The following NLGN1 variants were observed in gnomAD, a reference collection of about 807,000 sequenced individuals.
NLGN1 encodes the protein neuroligin 1.
In NLGN1, 12 loss-of-function variants were observed where a neutral mutation model predicts 65.5. That is an observed-to-expected ratio of 0.18 (90% CI 0.12 to 0.30). NLGN1 has a LOEUF of 0.30. Among genes scored for constraint, NLGN1 ranks in the 10% least tolerant of loss-of-function variants. The probability of loss-of-function intolerance (pLI) is 1.00; values close to 1 mark genes in which losing one functional copy is unlikely to be tolerated. For synonymous variants in NLGN1, 350 were observed against 359.5 expected (o/e 0.97, Z 0.30); for missense variants, 750 against 1,007.1 (o/e 0.74, Z 3.46).
intron 4 of NLGN1, among the ~76,000 whole-genome samples, chr3:173,845,528 C>A: frequency 6.6e-6 from 1 of 151,444 alleles, no homozygotes; most frequent in East Asian, 1.9e-4. Context: ...TTCTCTAGGA[C>A]TCAATAATTT....
At chr3:173,889,632 A>C (rs1225789360) in intron 4 of NLGN1, among the ~76,000 whole-genome samples, 1 of 152,126 alleles carries the variant, frequency 6.6e-6, no homozygotes. Context: ...GTACCTATGG[A>C]GGTTGAGACT....
chr3:173,814,175 A>G (rs1477451505), intron 4 of NLGN1, among the ~76,000 whole-genome samples: 1 of 152,240 alleles, frequency 6.6e-6, no homozygotes. Context: ...TCATAACTTC[A>G]TAAGTGCTCA....
intron 2 of NLGN1, among the ~76,000 whole-genome samples, chr3:173,473,404 C>A (rs991504985): frequency 6.6e-6 from 1 of 152,134 alleles, no homozygotes; most frequent in African/African-American, 2.4e-5. Flanking sequence ...AGAGATTAAT[C>A]CCCCACTGTG....
chr3:174,086,345 C>T (rs571725029), intron 4 of NLGN1, among the ~76,000 whole-genome samples: 1 of 794 alleles, frequency 1.3e-3, no homozygotes, highest in East Asian at 0.031. Context: ...GTGCATATGA[C>T]CGGTTTTTGG....
At chr3:174,168,030 A>G (rs996684395) in intron 4 of NLGN1, among the ~76,000 whole-genome samples, 6 of 151,874 alleles carry the variant, frequency 4.0e-5, no homozygotes, top group African/African-American at 1.5e-4. Flanking sequence ...GAAATTCCTT[A>G]AGTTTTTTAT....
At chr3:173,923,746 A>G (rs114845954) in intron 4 of NLGN1, among the ~76,000 whole-genome samples, 131 of 152,272 alleles carry the variant, frequency 8.6e-4, no homozygotes, top group African/African-American at 3.1e-3. Context: ...TAGAAAAAGA[A>G]TGGCTGAGTA....
chr3:173,432,120 T>G (rs1364790190), intron 1 of NLGN1, among the ~76,000 whole-genome samples: 1 of 152,212 alleles, frequency 6.6e-6, no homozygotes, highest in Admixed American at 6.5e-5. Flanking sequence ...AGTTTATCCA[T>G]TAGCCTACTG....
At chr3:174,262,568 TTC>T (rs1226548316) in intron 4 of NLGN1, among the ~76,000 whole-genome samples, 85 of 148,486 alleles carry the variant, frequency 5.7e-4, no homozygotes, top group Admixed American at 5.4e-4. Context: ...TATTTGATTC[TTC>T]TCTCTTTTTT....
intron 3 of NLGN1, among the ~76,000 whole-genome samples, chr3:173,675,815 A>G (rs1055120604): frequency 5.3e-5 from 8 of 151,158 alleles, no homozygotes; most frequent in Admixed American, 1.3e-4. Context: ...ATAAAAGTGC[A>G]TAGAACTGCT....
intron 4 of NLGN1, among the ~76,000 whole-genome samples, chr3:174,256,897 G>A (rs1018231191): frequency 4.6e-5 from 7 of 151,962 alleles, no homozygotes; most frequent in South Asian, 4.1e-4. Context: ...CTAAAAAAGC[G>A]AAAATTGACA....
Position 173,698,632 on chromosome 3 carries a change from C to G in NLGN1, c.493+93541C>G, listed in dbSNP as rs1414982633. 3.3e-5 allele frequency among the ~76,000 whole-genome samples: 5 copies of G among 152,102 alleles called. No individual in the cohort carries two copies. The East Asian group carries it at 9.6e-4, about 29-fold the overall frequency. ...TACAAAAAAATTGGTTTTCAAAGAG[C>G]AACATGTTTGCTACATAATTTTTTT... On this transcript the variant is annotated intron_variant, in intron 3 of 6. Transcript: ENST00000457714.
At chr3:174,032,442 G>C (rs1000958981) in intron 4 of NLGN1, among the ~76,000 whole-genome samples, 2 of 152,140 alleles carry the variant, frequency 1.3e-5, no homozygotes, top group African/African-American at 4.8e-5. Context: ...ATAACCATTG[G>C]TGTACAAGCT....
chr3:174,010,366 C>A (rs1178686212), intron 4 of NLGN1, among the ~76,000 whole-genome samples: 2 of 152,104 alleles, frequency 1.3e-5, no homozygotes, highest in Non-Finnish European at 2.9e-5. Context: ...AAGGGACAGT[C>A]CTTTCAACAT....
intron 3 of NLGN1, among the ~76,000 whole-genome samples, chr3:173,724,234 C>G (rs1771374299): frequency 6.6e-6 from 1 of 152,136 alleles, no homozygotes; most frequent in Non-Finnish European, 1.5e-5. Context: ...TATTATGAAA[C>G]AGGATGACAT....
At chr3:173,856,141 T>G (rs1011579974) in intron 4 of NLGN1, among the ~76,000 whole-genome samples, 4 of 152,104 alleles carry the variant, frequency 2.6e-5, no homozygotes, top group African/African-American at 9.7e-5. Context: ...GTGTACAGCT[T>G]CTTCTTTAAG....
At chr3:173,853,822 G>T (rs992871946) in intron 4 of NLGN1, among the ~76,000 whole-genome samples, 1 of 151,774 alleles carries the variant, frequency 6.6e-6, no homozygotes, top group Non-Finnish European at 1.5e-5. Flanking sequence ...ATGATGAGAG[G>T]TTCTCATGGT....
At chr3:173,714,650 T>G (rs1032270278) in intron 3 of NLGN1, among the ~76,000 whole-genome samples, 1 of 152,058 alleles carries the variant, frequency 6.6e-6, no homozygotes, top group African/African-American at 2.4e-5. Context: ...GAGCAAGTGA[T>G]CTCTAAACTG....
chr3:173,856,089 G>A (rs1727891660), intron 4 of NLGN1, among the ~76,000 whole-genome samples: 1 of 152,074 alleles, frequency 6.6e-6, no homozygotes, highest in Admixed American at 6.6e-5. Flanking sequence ...ACTCAGCTGT[G>A]TATCAGGATC....
rs34971509 is a variant in NLGN1, at chr3:173,468,617, CT to C, written c.-321+33544del. Reference sequence around the variant, plus strand: ...GCATTATCCTCATATGATGAATAACCTTTTTCCGTCAGTAGTAGTATTTGGC... The same window carrying C: ...GCATTATCCTCATATGATGAATAACCTTTTCCGTCAGTAGTAGTATTTGGC... On this transcript the variant is annotated intron_variant, in intron 2 of 6. Coordinates refer to ENST00000457714, the Ensembl canonical transcript of NLGN1. Among the ~76,000 whole-genome samples the C allele has an allele frequency of 2.0e-5, 3 of 151,904 alleles. No individual in the cohort carries two copies. The South Asian group carries it at 6.2e-4, about 32-fold the overall frequency.
Sources: allele counts gnomAD v4.1 joint callset (sites outside exome capture counted in the v4.1 genomes callset), GRCh38; gene constraint gnomAD v4.1.1; transcripts MANE v1.5; gene names NCBI Gene and HGNC (gene_info 2026-07-23, HGNC 2026-07-21).